The following MYO5B variants were observed in gnomAD, a reference collection of about 807,000 sequenced individuals.
MYO5B encodes the protein unconventional myosin-Vb.
Under a neutral mutation model 229.3 loss-of-function variants are expected in MYO5B, and 143 were observed. That is an observed-to-expected ratio of 0.62 (90% CI 0.54 to 0.72). MYO5B has a LOEUF of 0.72. Among genes scored for constraint, MYO5B ranks in the 30% least tolerant of loss-of-function variants. The probability of loss-of-function intolerance (pLI) is 0.00; values close to 1 mark genes in which losing one functional copy is unlikely to be tolerated. For synonymous variants in MYO5B, 918 were observed against 885.2 expected (o/e 1.04, Z -0.66); for missense variants, 2,321 against 2,331.0 (o/e 1.00, Z 0.09).
intron 1 of MYO5B, among the ~76,000 whole-genome samples, chr18:50,069,171 T>TAA: frequency 6.7e-6 from 1 of 149,704 alleles, no homozygotes; most frequent in Non-Finnish European, 1.5e-5. Context: ...GTTCCCCGGT[T>TAA]AAAAAAAAAA....
At chr18:49,846,074 G>A (rs2024122295) in intron 33 of MYO5B, among the ~76,000 whole-genome samples, 1 of 152,208 alleles carries the variant, frequency 6.6e-6, no homozygotes, top group Non-Finnish European at 1.5e-5. Context: ...GTGGCCCCAG[G>A]GAGCACATGG....
chr18:49,909,381 G>A (rs541363548), intron 18 of MYO5B, among the ~76,000 whole-genome samples: 3 of 152,336 alleles, frequency 2.0e-5, no homozygotes, highest in South Asian at 2.1e-4. Flanking sequence ...TAGACAGCGG[G>A]AGTTAGAATC....
chr18:49,992,827 T>C (rs2025948465), intron 5 of MYO5B, among the ~76,000 whole-genome samples: 1 of 152,152 alleles, frequency 6.6e-6, no homozygotes, highest in Non-Finnish European at 1.5e-5. Flanking sequence ...GCTGTGACAT[T>C]CTTGAGCCAC....
intron 4 of MYO5B, among the ~76,000 whole-genome samples, chr18:50,031,966 TAACTTGGTTAA>T (rs1287929073): frequency 3.3e-5 from 5 of 152,198 alleles, no homozygotes; most frequent in Non-Finnish European, 7.3e-5. Context: ...GGAAGACGTT[TAACTTGGTTAA>T]CCCACGGTTT....
rs1445587270 is a variant in MYO5B at position 50,122,847 on chromosome 18, C to T, written c.28-67469G>A. ...CAACAAAGATGTAGAGAAATTGGAA[C>T]CCTCAGACATCGACTGCTGATGTGA... On this transcript the variant is annotated intron_variant, in intron 1 of 39. Transcript: ENST00000285039. 3.3e-5 allele frequency among the ~76,000 whole-genome samples: 5 copies of T among 151,558 alleles called. No homozygotes were observed. In the East Asian group the frequency reaches 7.7e-4, roughly 23 times the overall value.
rs966006212 is a variant in MYO5B at position 49,954,395 on chromosome 18, T to C, written c.1586A>G (p.Tyr529Cys). Residue 529 changes from tyrosine (Y) to cysteine (C), a missense_variant, in exon 13 of 40, where the codon TAT becomes TGT. By Grantham distance (194) the Tyr-to-Cys change is radical (BLOSUM62 -2). This residue lies in a region of MYO5B where 2,113 missense variants were observed against 2,044.7 expected (regional missense o/e 1.03). Coordinates refer to ENST00000285039, the MANE Select transcript of MYO5B (RefSeq NM_001080467.3). ...GTDQNWAQKL[Y>C]DRHSSSQHFQ... is the part of the protein sequence containing the mutation. ...GTGCTGGCTGCTGGAGTGCCGGTCA[T>C]AGAGCTTCTGAGCCCAGTTCTGGTC... 2 of 1,614,010 alleles carry C rather than the reference T, an allele frequency of 1.2e-6. No homozygotes were observed. Among genetic ancestry groups the C allele is most frequent in the South Asian group, 1.1e-5 (1 of 91,072 alleles).
At chr18:50,092,714 A>G (rs1435585375) in intron 1 of MYO5B, among the ~76,000 whole-genome samples, 1 of 152,158 alleles carries the variant, frequency 6.6e-6, no homozygotes, top group Non-Finnish European at 1.5e-5. Context: ...TGCCAGTAAC[A>G]TACTAGTGCC....
intron 1 of MYO5B, among the ~76,000 whole-genome samples, chr18:50,110,837 A>C (rs2031852319): frequency 6.6e-6 from 1 of 152,228 alleles, no homozygotes; most frequent in Admixed American, 6.5e-5. Flanking sequence ...TAAAAATAGA[A>C]GCATAAAAAT....
At chr18:50,061,142 C>CA (rs2030676783) in intron 1 of MYO5B, among the ~76,000 whole-genome samples, 1 of 152,188 alleles carries the variant, frequency 6.6e-6, no homozygotes, top group Admixed American at 6.5e-5. Context: ...TATGAATTAT[C>CA]AGGCTGTAGC....
intron 4 of MYO5B, among the ~76,000 whole-genome samples, chr18:50,034,236 C>T (rs559840810): frequency 6.6e-6 from 1 of 152,334 alleles, no homozygotes; most frequent in African/African-American, 2.4e-5. Context: ...TCAGAAAAAG[C>T]ACAACAGACA....
intron 1 of MYO5B, among the ~76,000 whole-genome samples, chr18:50,072,659 T>C (rs1364126903): frequency 1.3e-5 from 2 of 151,660 alleles, no homozygotes; most frequent in African/African-American, 4.8e-5. Flanking sequence ...CATTCTAAGG[T>C]TTTTGCTAAC....
rs116390055 is a variant in MYO5B at position 50,147,743 on chromosome 18, A to T, written c.27+47024T>A. Among the ~76,000 whole-genome samples the T allele has an allele frequency of 3.8e-3, 583 of 152,214 alleles. 4 individuals carry two copies. The highest frequency in any genetic ancestry group is 0.013 in the African/African-American group (557 of 41,544). On this transcript the variant is annotated intron_variant, in intron 1 of 39. Coordinates refer to ENST00000285039, the MANE Select transcript of MYO5B (RefSeq NM_001080467.3). ...CGAAACTCTTTTGTATAAAGGCCCT[A>T]CTCTATCCCTCATCTCTCTCCAGTG...
chr18:50,092,275 C>G (rs977818353), intron 1 of MYO5B, among the ~76,000 whole-genome samples: 7 of 152,136 alleles, frequency 4.6e-5, no homozygotes, highest in South Asian at 2.1e-4. Context: ...CAGCCCCAAG[C>G]TGAAATTCAG....
intron 1 of MYO5B, among the ~76,000 whole-genome samples, chr18:50,157,146 C>G (rs1599064843): frequency 1.3e-5 from 2 of 151,544 alleles, no homozygotes; most frequent in East Asian, 1.9e-4. Flanking sequence ...CGCTCTGTCG[C>G]CCAGGCTGGA....
intron 1 of MYO5B, chr18:50,064,424 A>G (rs1030969545): frequency 1.3e-5 from 2 of 152,226 alleles, no homozygotes; most frequent in Non-Finnish European, 2.9e-5. Flanking sequence ...AGTAGCTAAA[A>G]CTGTTAAAAT....
At chr18:49,979,682 A>G (rs141960520) in intron 9 of MYO5B, among the ~76,000 whole-genome samples, 107 of 152,346 alleles carry the variant, frequency 7.0e-4, no homozygotes, top group African/African-American at 2.5e-3. Context: ...AGCAAGAATC[A>G]TACTTTGTAC....
At chr18:49,872,644 T>C (rs764235354) in intron 26 of MYO5B, among the ~76,000 whole-genome samples, 9 of 152,134 alleles carry the variant, frequency 5.9e-5, no homozygotes, top group Non-Finnish European at 1.2e-4. Context: ...TGGACACTAA[T>C]CCAGTCGGAA....
chr18:50,184,873 TACAC>T (rs72463376), intron 1 of MYO5B, among the ~76,000 whole-genome samples: 1 of 148,614 alleles, frequency 6.7e-6, no homozygotes, highest in Non-Finnish European at 1.5e-5. Flanking sequence ...ACCCTATCTC[TACAC>T]ACACACACAC....
At chr18:50,059,951 C>A (rs2030646895) in intron 1 of MYO5B, among the ~76,000 whole-genome samples, 3 of 152,070 alleles carry the variant, frequency 2.0e-5, no homozygotes. Context: ...AAGAAACAGA[C>A]ACATGAACTA....
Sources: gnomAD v4.1 joint callset for allele counts (sites outside exome capture counted in the v4.1 genomes callset) on GRCh38, gnomAD v4.1.1 for gene constraint, gnomAD v4.1.1 regional missense constraint, MANE v1.5 for transcripts, NCBI Gene and HGNC (gene_info 2026-07-23, HGNC 2026-07-21) for gene names.